The following PCMT1 variants were observed in gnomAD, a reference collection of about 807,000 sequenced individuals.
The protein encoded by PCMT1 is protein-L-isoaspartate(D-aspartate) O-methyltransferase.
Under a neutral mutation model 29.2 loss-of-function variants are expected in PCMT1, and 9 were observed. The ratio of observed to expected loss-of-function variants is 0.31; its 90% confidence interval spans 0.19 to 0.54. The LOEUF is 0.54. PCMT1 is among the 20% of genes least tolerant of loss of function. PCMT1 has a pLI of 0.95. For synonymous variants in PCMT1, 98 were observed against 97.5 expected, an observed-to-expected ratio of 1.00 and a Z score of -0.03; for missense variants, 184 against 282.2, an observed-to-expected ratio of 0.65 and a Z score of 2.49.
Position 149,788,618 on chromosome 6 carries a change from G to A in PCMT1, c.193-1336G>A, listed in dbSNP as rs73779560. Among the ~76,000 whole-genome samples the A allele has an allele frequency of 3.5e-3, 527 of 152,326 alleles. 3 individuals are homozygous for A. Among genetic ancestry groups the A allele is most frequent in the African/African-American group, 0.012 (500 of 41,576 alleles). ...AAGTATCTTAGCAGAGGCATTTGAT[G>A]TCAGTGTGTCCCATAATTGTGGTGT... On this transcript the variant is annotated intron_variant, in intron 3 of 7. Coordinates refer to ENST00000464889, the MANE Select transcript of PCMT1 (RefSeq NM_001360452.2).
rs1788732983 is a variant in PCMT1, at chr6:149,799,379, G to A, written c.505-2821G>A. ...CTGTTAAGGACTGGTAATCAGAAAG[G>A]CATCAGACTGCAAACAGCATTAGAA... On this transcript the variant is annotated intron_variant, in intron 6 of 7. Transcript: ENST00000464889. Among the ~76,000 whole-genome samples, 3 of 152,004 alleles carry A rather than the reference G, an allele frequency of 2.0e-5. No homozygotes were observed. In the South Asian group the frequency reaches 6.2e-4, roughly 32 times the overall value.
chr6:149,758,635 G>C (rs1003422069), intron 1 of PCMT1, among the ~76,000 whole-genome samples: 8 of 152,036 alleles, frequency 5.3e-5, no homozygotes, highest in African/African-American at 1.9e-4. Flanking sequence ...TTTAGGTTTT[G>C]TATAACATTG....
At chr6:149,767,165 C>G (rs1787119664) in intron 1 of PCMT1, among the ~76,000 whole-genome samples, 1 of 152,026 alleles carries the variant, frequency 6.6e-6, no homozygotes, top group Non-Finnish European at 1.5e-5. Flanking sequence ...CGAGATCACG[C>G]CACTGCACTC....
At chr6:149,765,805 A>G (rs1038812293) in intron 1 of PCMT1, 6 of 218,472 alleles carry the variant, frequency 2.7e-5, no homozygotes, top group Non-Finnish European at 8.9e-6. Flanking sequence ...TGCCTGTACT[A>G]AAAATACAAT....
chr6:149,751,848 G>A (rs1452195599), intron 1 of PCMT1, among the ~76,000 whole-genome samples: 2 of 151,496 alleles, frequency 1.3e-5, no homozygotes, highest in African/African-American at 4.9e-5. Context: ...TGGAAACTGA[G>A]TCTTTAGTGT....
rs560252870 is a variant in PCMT1 at position 149,800,865 on chromosome 6, G to T, written c.505-1335G>T. On this transcript the variant is annotated intron_variant, in intron 6 of 7. Transcript: ENST00000464889. The stretch of plus-strand genomic sequence containing the variant: ...ACAAAGATTCAAAACAGGCACACAG[G>T]CATTAGAATTCTATGCTCTGCCTTT... Among the ~76,000 whole-genome samples the T allele has an allele frequency of 2.0e-3, 309 of 152,196 alleles. 1 individual carries two copies. The highest frequency in any genetic ancestry group is 3.7e-3 in the Non-Finnish European group (255 of 68,016).
chr6:149,783,830 T>C (rs1244215358), intron 3 of PCMT1, among the ~76,000 whole-genome samples: 1 of 152,200 alleles, frequency 6.6e-6, no homozygotes, highest in African/African-American at 2.4e-5. Context: ...GCTGGGACTA[T>C]AGGCATGTGC....
intron 1 of PCMT1, among the ~76,000 whole-genome samples, chr6:149,762,861 A>T (rs1384419637): frequency 1.8e-5 from 1 of 54,090 alleles, no homozygotes; most frequent in Non-Finnish European, 2.5e-5. Flanking sequence ...TATATCTATG[A>T]TATATATATC....
In PCMT1 at chr6:149,762,844, T is replaced by G. The variant is rs1775189695; in HGVS notation, c.56-8318T>G. On this transcript the variant is annotated intron_variant, in intron 1 of 7. Coordinates refer to ENST00000464889, the MANE Select transcript of PCMT1 (RefSeq NM_001360452.2). Reference sequence around the variant, plus strand: ...CTATGATATATATGATATATATATCTATGATATATATCTATGATATATATA... The same window carrying G: ...CTATGATATATATGATATATATATCGATGATATATATCTATGATATATATA... Among the ~76,000 whole-genome samples the G allele has an allele frequency of 4.4e-5, 2 of 45,074 alleles. 1 individual carries two copies. Among genetic ancestry groups the G allele is most frequent in the Non-Finnish European group, 6.2e-5 (2 of 32,230 alleles). 29.6% of individuals were successfully genotyped at this position (45,074 alleles called of 152,430 possible).
chr6:149,786,311 C>CG (rs569000019), intron 3 of PCMT1, among the ~76,000 whole-genome samples: 29,057 of 29,388 alleles, frequency 0.99, 14,446 homozygotes, highest in Middle Eastern at 1. Context: ...GCTGGCCGGG[C>CG]GGGGGCTGAC....
At chr6:149,780,832 G>C (rs560376656) in intron 3 of PCMT1, among the ~76,000 whole-genome samples, 2 of 151,990 alleles carry the variant, frequency 1.3e-5, no homozygotes, top group African/African-American at 2.4e-5. Context: ...ACACATTTTT[G>C]TGTGTTTTCA....
At chr6:149,765,721 C>G in intron 1 of PCMT1, 1 of 343,576 alleles carries the variant, frequency 2.9e-6, no homozygotes, top group Non-Finnish European at 5.5e-6. Flanking sequence ...AATACCAGCA[C>G]TTTGGGAGGA....
At chr6:149,773,241 A>AG in intron 3 of PCMT1, 72 bp downstream of exon 3, 1 of 1,188,590 alleles carries the variant, frequency 8.4e-7, no homozygotes, top group Non-Finnish European at 1.2e-6. Flanking sequence ...TTAGTAAAAA[A>AG]GATTTAAAGA....
chr6:149,796,437 T>C lies in PCMT1; in HGVS notation c.441T>C (p.Tyr147=). The change falls in exon 6 of 8, where the codon TAT becomes TAC. Residue 147 remains tyrosine (Y), a synonymous_variant. Transcript: ENST00000464889. Reference sequence around the variant, plus strand: ...CAGTGGGGGATGGAAGAATGGGATATGCTGAAGAAGCCCCTTATGATGCCA... The same window carrying C: ...CAGTGGGGGATGGAAGAATGGGATACGCTGAAGAAGCCCCTTATGATGCCA... ...QLVVGDGRMG[Y]AEEAPYDAIH... The C allele has an allele frequency of 1.2e-6, 2 of 1,613,800 alleles. No individual in the cohort carries two copies. Among genetic ancestry groups the C allele is most frequent in the Non-Finnish European group, 8.5e-7 (1 of 1,179,842 alleles).
intron 5 of PCMT1, chr6:149,795,495 C>G: frequency 2.4e-6 from 1 of 409,424 alleles, no homozygotes; most frequent in South Asian, 2.2e-5. Flanking sequence ...GTAGACCCAT[C>G]CGTTTCTACT....
intron 6 of PCMT1, among the ~76,000 whole-genome samples, chr6:149,799,535 C>G (rs1418107897): frequency 6.6e-6 from 1 of 152,138 alleles, no homozygotes; most frequent in Admixed American, 6.6e-5. Context: ...TTAATACATT[C>G]CATGCACTAT....
chr6:149,770,304 G>T (rs1050691269), intron 1 of PCMT1, among the ~76,000 whole-genome samples: 1 of 152,124 alleles, frequency 6.6e-6, no homozygotes, highest in African/African-American at 2.4e-5. Context: ...AATGGCATCA[G>T]CGTATCAATG....
intron 1 of PCMT1, among the ~76,000 whole-genome samples, chr6:149,768,395 A>G (rs1787177785): frequency 6.6e-6 from 1 of 150,580 alleles, no homozygotes; most frequent in East Asian, 2.0e-4. Context: ...CCTGGCCCCT[A>G]ATTTTTAAAA....
In PCMT1 at chr6:149,786,300, G is replaced by A. The variant is rs1401638177; in HGVS notation, c.193-3654G>A. On this transcript the variant is annotated intron_variant, in intron 3 of 7. Coordinates refer to ENST00000464889, the MANE Select transcript of PCMT1 (RefSeq NM_001360452.2). ...CCCCCACCTCCCTCCAGGACGGGGC[G>A]GCTGGCCGGGCGGGGGCTGACCCCC... Among the ~76,000 whole-genome samples the A allele has an allele frequency of 2.1e-3, 21 of 9,828 alleles. 6 individuals are homozygous for A. The highest frequency in any genetic ancestry group is 3.4e-3 in the Non-Finnish European group (18 of 5,240). The allele number at this position is 9,828 out of a possible 152,430, so 6.4% of individuals were successfully genotyped here. A position where few individuals can be genotyped will look rare whatever the true frequency, so the allele number is the denominator to read the frequency against.
Sources: allele counts gnomAD v4.1 joint callset (sites outside exome capture counted in the v4.1 genomes callset), GRCh38; gene constraint gnomAD v4.1.1; transcripts MANE v1.5; gene names NCBI Gene and HGNC (gene_info 2026-07-23, HGNC 2026-07-21).